Variants in SYTL3 observed in about 807,000 individuals in gnomAD.
SYTL3 encodes the protein synaptotagmin-like protein 3.
In SYTL3, 88 loss-of-function variants were observed where a neutral mutation model predicts 82.1. That is an observed-to-expected ratio of 1.07 (90% CI 0.90 to 1.28). The LOEUF (loss-of-function observed/expected upper bound fraction) is 1.28, where lower values mean the gene tolerates loss of function less well. Among genes scored for constraint, SYTL3 ranks in the 50% most tolerant of loss-of-function variants. The pLI is 0.00. For missense variants in SYTL3, 831 were observed against 757.6 expected, an observed-to-expected ratio of 1.10 and a Z score of -1.14; for synonymous variants, 311 against 289.4, an observed-to-expected ratio of 1.07 and a Z score of -0.76.
At chr6:158,749,411 GAA>G (rs1788094699) in intron 12 of SYTL3, among the ~76,000 whole-genome samples, 1 of 67,548 alleles carries the variant, frequency 1.5e-5, no homozygotes, top group Non-Finnish European at 3.3e-5. Context: ...AAAAAAAAAA[GAA>G]AGAAAAAAAT....
chr6:158,757,810 ATAAC>A (rs1359608518), intron 14 of SYTL3, among the ~76,000 whole-genome samples: 1 of 152,230 alleles, frequency 6.6e-6, no homozygotes, highest in Non-Finnish European at 1.5e-5. Flanking sequence ...ATAGGTGACA[ATAAC>A]TAACAGTAAT....
Position 158,708,349 on chromosome 6 carries a change from ACCT to A in SYTL3, c.478_480del (p.Pro160del), listed in dbSNP as rs762750385. On this transcript the variant is annotated inframe_deletion, in exon 8 of 18. Transcript: ENST00000611299. ...AAATTTCTGTGGTTCCTCCTACTCC[ACCT>A]CCTGTCAGCGAGAGCCAGTGCAGCC... The A allele has an allele frequency of 9.9e-6, 16 of 1,613,956 alleles. No individual in the cohort carries two copies. In the Admixed American group the frequency reaches 2.5e-4, roughly 25 times the overall value.
intron 11 of SYTL3, among the ~76,000 whole-genome samples, chr6:158,732,641 A>C (rs1347162421): frequency 1.3e-5 from 2 of 152,228 alleles, no homozygotes; most frequent in Non-Finnish European, 2.9e-5. Flanking sequence ...CCATCTTCCA[A>C]GACCAGTTTT....
chr6:158,723,690 A>G (rs1486664915), intron 10 of SYTL3, among the ~76,000 whole-genome samples: 1 of 152,216 alleles, frequency 6.6e-6, no homozygotes, highest in African/African-American at 2.4e-5. Flanking sequence ...ACATTTGCCA[A>G]TATAATGGGC....
chr6:158,744,245 T>C (rs1787303860), intron 11 of SYTL3, among the ~76,000 whole-genome samples: 1 of 151,080 alleles, frequency 6.6e-6, no homozygotes, highest in Admixed American at 6.6e-5. Context: ...TTCTATTTTA[T>C]CTTTCCCTTG....
At chr6:158,748,150 A>T (rs1163946786) in intron 12 of SYTL3, among the ~76,000 whole-genome samples, 1 of 151,240 alleles carries the variant, frequency 6.6e-6, no homozygotes, top group African/African-American at 2.4e-5. Context: ...AGTTTAAGGC[A>T]GGGGCCTCAG....
Position 158,763,403 on chromosome 6 carries a change from C to G in SYTL3, c.1617C>G (p.Gly539=). 1 of 1,614,188 alleles carries G rather than the reference C, an allele frequency of 6.2e-7. No individual in the cohort carries two copies. Among genetic ancestry groups the G allele is most frequent in the East Asian group, 2.2e-5 (1 of 44,886 alleles). ...PQWKHSFVFS[G]VTPAQLRQSS... ...GGAAACACTCATTTGTCTTCAGTGGCGTAACCCCAGCTCAGCTGAGGCAGT... is the reference window on the plus strand; with the variant it reads ...GGAAACACTCATTTGTCTTCAGTGGGGTAACCCCAGCTCAGCTGAGGCAGT... The change falls in exon 17 of 18, where the codon GGC becomes GGG. Residue 539 remains glycine, a synonymous_variant. Transcript: ENST00000611299.
At chr6:158,664,454 A>G (rs2128367546) in intron 4 of SYTL3, among the ~76,000 whole-genome samples, 1 of 152,270 alleles carries the variant, frequency 6.6e-6, no homozygotes, top group South Asian at 2.1e-4. Context: ...GAGACAGGAG[A>G]ATCCCTTGAA....
At chr6:158,688,739 A>G (rs888829922) in intron 6 of SYTL3, among the ~76,000 whole-genome samples, 13 of 152,244 alleles carry the variant, frequency 8.5e-5, no homozygotes, top group African/African-American at 2.7e-4. Flanking sequence ...TTGTGAGTGT[A>G]TGTATCTATG....
chr6:158,732,914 C>G (rs1036109240), intron 11 of SYTL3, among the ~76,000 whole-genome samples: 1 of 135,202 alleles, frequency 7.4e-6, no homozygotes, highest in African/African-American at 2.7e-5. Context: ...AAAACTCAAG[C>G]AAAACAGCTA....
chr6:158,750,640 G>A (rs77791967), intron 12 of SYTL3, among the ~76,000 whole-genome samples: 3,012 of 151,940 alleles, frequency 0.02, 96 homozygotes, highest in African/African-American at 0.069. Context: ...AACTTCGGGC[G>A]TCGAGTAGCT....
chr6:158,687,999 A>G (rs1168524176), intron 6 of SYTL3, among the ~76,000 whole-genome samples: 1 of 152,222 alleles, frequency 6.6e-6, no homozygotes, highest in East Asian at 1.9e-4. Context: ...GTGTGCACAG[A>G]TAGACTTATC....
chr6:158,711,045 G>C (rs573065365), intron 8 of SYTL3, among the ~76,000 whole-genome samples: 1 of 152,232 alleles, frequency 6.6e-6, no homozygotes, highest in East Asian at 1.9e-4. Context: ...CTCCCAAAGC[G>C]CTGGGGTTAC....
chr6:158,708,529 AG>A, intron 8 of SYTL3, 138 bp downstream of exon 8: 1 of 805,288 alleles, frequency 1.2e-6, no homozygotes, highest in Non-Finnish European at 2.1e-6. Flanking sequence ...CGGGTCACAA[AG>A]CGGGGTGGGG....
chr6:158,682,840 G>T (rs989717551), intron 5 of SYTL3, 85 bp from the exon 6 acceptor site: 2 of 992,822 alleles, frequency 2.0e-6, no homozygotes, highest in East Asian at 2.5e-5. Flanking sequence ...AATATTTTGT[G>T]ACCTTACCTA....
At chr6:158,681,240 A>T (rs963667641) in intron 5 of SYTL3, among the ~76,000 whole-genome samples, 3 of 152,072 alleles carry the variant, frequency 2.0e-5, no homozygotes, top group African/African-American at 7.2e-5. Context: ...TGCCTTTCTG[A>T]GATTGAGGTT....
upstream of SYTL3, among the ~76,000 whole-genome samples, chr6:158,646,278 G>T (rs1787453326): frequency 6.6e-6 from 1 of 152,140 alleles, no homozygotes; most frequent in South Asian, 2.1e-4. Flanking sequence ...GTATTCTCCT[G>T]CCTTAGCCTC....
chr6:158,742,290 A>G (rs1382231352), intron 11 of SYTL3, among the ~76,000 whole-genome samples: 3 of 152,256 alleles, frequency 2.0e-5, no homozygotes, highest in African/African-American at 7.2e-5. Flanking sequence ...CAAAAACTGC[A>G]ATTATTTTTG....
At chr6:158,757,608 G>T (rs1040471009) in intron 14 of SYTL3, among the ~76,000 whole-genome samples, 2 of 147,816 alleles carry the variant, frequency 1.4e-5, no homozygotes, top group African/African-American at 5.0e-5. Context: ...AACAGCCCCC[G>T]CCTCAGCATC....
Sources: allele counts gnomAD v4.1 joint callset (sites outside exome capture counted in the v4.1 genomes callset), GRCh38; gene constraint gnomAD v4.1.1; transcripts MANE v1.5; gene names NCBI Gene and HGNC (gene_info 2026-07-23, HGNC 2026-07-21).